The following REV3L variants were observed in gnomAD, a reference collection of about 807,000 sequenced individuals.
REV3L encodes the protein REV3 like, DNA directed polymerase zeta catalytic subunit.
A neutral mutation model predicts 299.4 loss-of-function variants in REV3L; 69 were observed. The ratio of observed to expected loss-of-function variants is 0.23; its 90% confidence interval spans 0.19 to 0.28. REV3L has a LOEUF of 0.28. Ranked by LOEUF, REV3L falls within the 10% of genes least tolerant of loss-of-function variation. REV3L has a pLI of 1.00. For missense variants in REV3L, 3,128 were observed against 3,693.8 expected (o/e 0.85, Z 3.97); for synonymous variants, 1,238 against 1,271.4 (o/e 0.97, Z 0.56).
At position 111,303,705 on chromosome 6, in the gene REV3L, T is replaced by A. The variant is rs1218304440; in HGVS notation, c.9253-3549A>T. The stretch of plus-strand genomic sequence containing the variant: ...TTTTTTTTTAACAGACTATGACTTT[T>A]TTTTTTTTTTTTTTTTTTTTTTTTT... On this transcript the variant is annotated intron_variant, in intron 31 of 31. Transcript: ENST00000368802. Among the ~76,000 whole-genome samples, 62 of 33,534 alleles carry A rather than the reference T, an allele frequency of 1.8e-3. 4 individuals are homozygous for A. The highest frequency in any genetic ancestry group is 4.2e-3 in the Non-Finnish European group (55 of 13,138). The allele number at this position is 33,534 out of a possible 152,430, so 22.0% of individuals were successfully genotyped here.
intron 1 of REV3L, among the ~76,000 whole-genome samples, chr6:111,425,954 A>G (rs886110375): frequency 6.6e-6 from 1 of 152,200 alleles, no homozygotes; most frequent in African/African-American, 2.4e-5. Context: ...GAAGAAATAT[A>G]TATTTGGTCT....
At position 111,376,224 on chromosome 6, in the gene REV3L, C is replaced by T; in HGVS notation, c.2131G>A (p.Asp711Asn). 1 of 1,613,496 alleles carries T rather than the reference C, an allele frequency of 6.2e-7. No individual in the cohort carries two copies. Among genetic ancestry groups the T allele is most frequent in the Non-Finnish European group, 8.5e-7 (1 of 1,179,878 alleles). Residue 711 changes from aspartate to asparagine, a missense_variant, in exon 13 of 32, where the codon GAC (aspartate) becomes AAC (asparagine). By Grantham distance (23) the Asp-to-Asn change is conservative. Transcript: ENST00000368802. ...ACTTTATTTTTTGAATGATTTAAGT[C>T]AGAAAAGTTGAAAGAATTTTTGCCC... ...TLGKNSFNFS[D>N]LNHSKNKVSS...
intron 1 of REV3L, among the ~76,000 whole-genome samples, chr6:111,432,869 A>G (rs1388782438): frequency 6.6e-6 from 1 of 152,224 alleles, no homozygotes; most frequent in Non-Finnish European, 1.5e-5. Context: ...ACAATGGAAT[A>G]AAACTAGAAA....
At position 111,381,277 on chromosome 6, in the gene REV3L, T is replaced by G. The variant is rs781262534; in HGVS notation, c.1216+48A>C. 6.3e-6 allele frequency: 10 copies of G among 1,596,346 alleles called. No homozygotes were observed. The South Asian group carries it at 1.0e-4, about 17-fold the overall frequency. ...AAAAATGCCTCTTCACAACACACATTTTCTCTGAATTACAATACTGAATAT... is the reference window on the plus strand; with the variant it reads ...AAAAATGCCTCTTCACAACACACATGTTCTCTGAATTACAATACTGAATAT... On this transcript the variant is annotated intron_variant, in intron 10 of 31. Coordinates refer to ENST00000368802, the MANE Select transcript of REV3L (RefSeq NM_001372078.1).
In REV3L at chr6:111,334,520, T is replaced by G. The variant is rs529122690; in HGVS notation, c.7680+949A>C. 5.9e-5 allele frequency among the ~76,000 whole-genome samples: 9 copies of G among 152,320 alleles called. No homozygotes were observed. The South Asian group carries it at 1.5e-3, about 25-fold the overall frequency. On this transcript the variant is annotated intron_variant, in intron 22 of 31. Transcript: ENST00000368802. ...AAAGAACTGAATAGTAATCAGCTTATTACTGGTCCCTAGCAAAACTGAATC... is the reference window on the plus strand; with the variant it reads ...AAAGAACTGAATAGTAATCAGCTTAGTACTGGTCCCTAGCAAAACTGAATC...
intron 9 of REV3L, among the ~76,000 whole-genome samples, chr6:111,386,138 A>C (rs545128848): frequency 1.3e-5 from 2 of 152,344 alleles, no homozygotes; most frequent in South Asian, 4.1e-4. Context: ...CCTAACATTC[A>C]GCAACTCACT....
chr6:111,299,906 A>AACAG lies in REV3L; in HGVS notation c.*106_*109dup, dbSNP rs139435988. The stretch of plus-strand genomic sequence containing the variant: ...ATAGAAGTCTTCATAGTCTTCAGAT[A>AACAG]ACAGACAGTGAACATCCTTGACTCG... On this transcript the variant is annotated 3_prime_UTR_variant, in exon 32 of 32. Transcript: ENST00000368802. 7.6e-6 allele frequency: 8 copies of AACAG among 1,055,750 alleles called. No homozygotes were observed. The African/African-American group carries it at 1.3e-4, about 17-fold the overall frequency. The allele number at this position is 1,055,750 out of a possible 1,614,324, so 65.4% of individuals were successfully genotyped here. A position where few individuals can be genotyped will look rare whatever the true frequency, so the allele number is the denominator to read the frequency against.
Position 111,376,367 on chromosome 6 carries a change from T to C in REV3L, c.1988A>G (p.Glu663Gly), listed in dbSNP as rs775319939. The C allele has an allele frequency of 6.8e-6, 11 of 1,612,460 alleles. No homozygotes were observed. Among genetic ancestry groups the C allele is most frequent in the Non-Finnish European group, 9.3e-6 (11 of 1,179,538 alleles). Residue 663 changes from glutamate (E) to glycine (G), a missense_variant, in exon 13 of 32, where the codon GAA becomes GGA. Transcript: ENST00000368802. Reference protein sequence around the residue: ...SSCESSIFDYEEDIPSVTRQV... With the variant: ...SSCESSIFDYGEDIPSVTRQV... ...TCTTGTAACAGATGGAATATCTTCT[T>C]CATAATCAAAAATACTACTTTCACA...
In REV3L at chr6:111,307,708, G is replaced by T. The variant is rs538303449; in HGVS notation, c.9043-138C>A. On this transcript the variant is annotated intron_variant, in intron 30 of 31. Transcript: ENST00000368802. ...TCAACAAATGTTGAGTAGCTACTAT[G>T]TGCCAGGCACTGTTCCAGACACTGG... 83 of 751,796 alleles carry T rather than the reference G, an allele frequency of 1.1e-4. No individual in the cohort carries two copies. In the African/African-American group the frequency reaches 1.2e-3, roughly 11 times the overall value. The allele number at this position is 751,796 out of a possible 1,614,324, so 46.6% of individuals were successfully genotyped here.
intron 1 of REV3L, among the ~76,000 whole-genome samples, chr6:111,475,147 T>C (rs1232231732): frequency 6.6e-6 from 1 of 152,176 alleles, no homozygotes; most frequent in Non-Finnish European, 1.5e-5. Context: ...CTTGCTTTTT[T>C]TCCTCATATC....
intron 22 of REV3L, 109 bp downstream of exon 22, chr6:111,335,360 G>A: frequency 8.4e-7 from 1 of 1,183,536 alleles, no homozygotes; most frequent in Non-Finnish European, 1.2e-6. Context: ...CCCAGCTATT[G>A]ATTAGTTGGT....
intron 20 of REV3L, among the ~76,000 whole-genome samples, chr6:111,347,289 A>T (rs182080709): frequency 9.1e-4 from 136 of 150,152 alleles, no homozygotes; most frequent in Admixed American, 1.5e-3. Flanking sequence ...AAAATAAAAA[A>T]AAATATATAT....
chr6:111,343,387 T>C (rs1188635691), intron 21 of REV3L, among the ~76,000 whole-genome samples: 1 of 152,196 alleles, frequency 6.6e-6, no homozygotes, highest in Non-Finnish European at 1.5e-5. Flanking sequence ...TTAGTAATTA[T>C]CTAGATGATT....
At chr6:111,381,132 AT>A (rs1780789181) in intron 10 of REV3L, among the ~76,000 whole-genome samples, 192 bp downstream of exon 10, 1 of 152,176 alleles carries the variant, frequency 6.6e-6, no homozygotes, top group Non-Finnish European at 1.5e-5. Context: ...TCTTTCACAA[AT>A]TTTTTTAAGC....
chr6:111,421,734 T>C lies in REV3L; in HGVS notation c.140-5262A>G, dbSNP rs1562284949. Among the ~76,000 whole-genome samples, 4 of 152,132 alleles carry C rather than the reference T, an allele frequency of 2.6e-5. No individual in the cohort carries two copies. In the South Asian group the frequency reaches 8.3e-4, roughly 32 times the overall value. The stretch of plus-strand genomic sequence containing the variant: ...CATATCCCATCTCCCAAATCTCAAA[T>C]TCAATCTAAACAAGGTTTTAAACAA... On this transcript the variant is annotated intron_variant, in intron 1 of 31. Coordinates refer to ENST00000368802, the MANE Select transcript of REV3L (RefSeq NM_001372078.1).
intron 21 of REV3L, among the ~76,000 whole-genome samples, chr6:111,341,039 C>CTTTTTTTTT (rs5879104): frequency 7.6e-6 from 1 of 131,896 alleles, no homozygotes; most frequent in Non-Finnish European, 1.6e-5. Flanking sequence ...TTCTCCTCAG[C>CTTTTTTTTT]TTTTTTTTTT....
intron 1 of REV3L, among the ~76,000 whole-genome samples, chr6:111,421,124 T>C (rs1785302429): frequency 6.6e-6 from 1 of 152,096 alleles, no homozygotes; most frequent in Non-Finnish European, 1.5e-5. Context: ...CGAGACTCCA[T>C]CTCAAAAAAA....
At chr6:111,340,872 C>T in intron 21 of REV3L, among the ~76,000 whole-genome samples, 1 of 151,514 alleles carries the variant, frequency 6.6e-6, no homozygotes, top group Admixed American at 6.6e-5. Context: ...TAGTTCCAGT[C>T]CTCTATTTTA....
chr6:111,393,573 A>G (rs76121691), intron 4 of REV3L, among the ~76,000 whole-genome samples: 1,886 of 152,284 alleles, frequency 0.012, 44 homozygotes, highest in African/African-American at 0.043. Flanking sequence ...TCACTCCTGT[A>G]TGCTATCAAA....
Sources: allele counts gnomAD v4.1 joint callset (sites outside exome capture counted in the v4.1 genomes callset), GRCh38; gene constraint gnomAD v4.1.1; transcripts MANE v1.5; gene names NCBI Gene and HGNC (gene_info 2026-07-23, HGNC 2026-07-21).